Variants in QPCT observed in about 807,000 individuals in gnomAD.
QPCT encodes EC.
A neutral mutation model predicts 43.4 loss-of-function variants in QPCT; 44 were observed. That is an observed-to-expected ratio of 1.01 (90% CI 0.80 to 1.30). QPCT has a LOEUF of 1.30. Ranked by LOEUF, QPCT falls within the 50% of genes most tolerant of loss-of-function variation. QPCT has a pLI of 0.00. For synonymous variants in QPCT, 168 were observed against 168.4 expected (o/e 1.00, Z 0.02); for missense variants, 526 against 436.5 (o/e 1.21, Z -1.83).
chr2:37,365,171 G>A (rs1465865329), intron 3 of QPCT, among the ~76,000 whole-genome samples: 2 of 151,942 alleles, frequency 1.3e-5, no homozygotes, highest in Non-Finnish European at 1.5e-5. Context: ...GAGTGAGTGT[G>A]GACAGAGAAG....
At chr2:37,367,139 C>T in intron 3 of QPCT, 93 bp from the exon 4 acceptor site, 1 of 1,346,798 alleles carries the variant, frequency 7.4e-7, no homozygotes, top group Non-Finnish European at 1.0e-6. Context: ...TTCTTTATGG[C>T]ACATCTATCT....
chr2:37,349,369 A>G (rs557165373), intron 1 of QPCT, among the ~76,000 whole-genome samples: 2 of 152,304 alleles, frequency 1.3e-5, no homozygotes, highest in South Asian at 4.1e-4. Flanking sequence ...TTTTGGTGCT[A>G]TTTGCCAATT....
chr2:37,367,130 TC>T (rs1672979258), intron 3 of QPCT, 101 bp from the exon 4 acceptor site: 45 of 1,317,238 alleles, frequency 3.4e-5, no homozygotes, highest in Non-Finnish European at 4.7e-5. Context: ...TATCTTCCTT[TC>T]TTTATGGCAC....
chr2:37,368,559 G>A lies in QPCT; in HGVS notation c.724-1126G>A, dbSNP rs113696364. ...ACCTTCGCCCTATAAAAGTACAAAT[G>A]GTCACATTCTGTGTCCTCTGTGACC... is the stretch of plus-strand genomic sequence containing the variant. On this transcript the variant is annotated intron_variant, in intron 4 of 6. Coordinates refer to ENST00000338415, the MANE Select transcript of QPCT (RefSeq NM_012413.4). The A allele has an allele frequency of 1.3e-3, 626 of 470,716 alleles. 5 individuals carry two copies. The highest frequency in any genetic ancestry group is 0.011 in the African/African-American group (565 of 50,110). The allele number at this position is 470,716 out of a possible 1,614,324, so 29.2% of individuals were successfully genotyped here. A position where few individuals can be genotyped will look rare whatever the true frequency, so the allele number is the denominator to read the frequency against.
intron 1 of QPCT, 63 bp from the exon 2 acceptor site, chr2:37,352,726 A>G (rs1157369222): frequency 3.9e-6 from 6 of 1,556,420 alleles, no homozygotes; most frequent in Non-Finnish European, 5.3e-6. Context: ...AATTGAAAAC[A>G]TGTCAGAGTC....
intron 2 of QPCT, among the ~76,000 whole-genome samples, chr2:37,355,839 A>G (rs780839264): frequency 2.9e-4 from 44 of 152,174 alleles, no homozygotes; most frequent in Non-Finnish European, 5.1e-4. Context: ...GAGGCAAACT[A>G]GAAACTTCAG....
intron 2 of QPCT, among the ~76,000 whole-genome samples, chr2:37,357,313 GA>G (rs1672772194): frequency 1.4e-5 from 2 of 144,580 alleles, no homozygotes; most frequent in Non-Finnish European, 3.0e-5. Context: ...CCATTTTGTG[GA>G]ATTTTTTTTT....
rs764375770 is a variant in QPCT at position 37,359,630 on chromosome 2, A to C, written c.318A>C (p.Ile106=). 6.2e-6 allele frequency: 10 copies of C among 1,614,192 alleles called. No individual in the cohort carries two copies. In the South Asian group the frequency reaches 1.1e-4, roughly 18 times the overall value. ...QRLQADWVLE[I]DTFLSQTPYG... ...TTCAGGCTGACTGGGTCTTGGAAAT[A>C]GACACCTTCTTGAGTCAGACACCCT... is the stretch of plus-strand genomic sequence containing the variant. Residue 106 remains isoleucine (I), a synonymous_variant, in exon 3 of 7, where the codon ATA becomes ATC. Coordinates refer to ENST00000338415, the MANE Select transcript of QPCT (RefSeq NM_012413.4).
chr2:37,348,525 T>C (rs986279557), intron 1 of QPCT, among the ~76,000 whole-genome samples: 30 of 152,218 alleles, frequency 2.0e-4, no homozygotes, highest in African/African-American at 7.0e-4. Flanking sequence ...GAGACATTCA[T>C]ATAGAATAGA....
chr2:37,373,105 C>T lies in QPCT; in HGVS notation c.*278C>T. Reference sequence around the variant, plus strand: ...TCTTTCAAAGACTCTTTTAGATAAACACGATGAGGCAAAATCAGGTTCATT... The same window carrying T: ...TCTTTCAAAGACTCTTTTAGATAAATACGATGAGGCAAAATCAGGTTCATT... On this transcript the variant is annotated 3_prime_UTR_variant, in exon 7 of 7. Coordinates refer to ENST00000338415, the MANE Select transcript of QPCT (RefSeq NM_012413.4). The T allele has an allele frequency of 4.4e-6, 1 of 226,456 alleles. No individual in the cohort carries two copies. Among genetic ancestry groups the T allele is most frequent in the East Asian group, 9.9e-5 (1 of 10,058 alleles). The allele number at this position is 226,456 out of a possible 1,614,324, so 14.0% of individuals were successfully genotyped here. A position where few individuals can be genotyped will look rare whatever the true frequency, so the allele number is the denominator to read the frequency against.
chr2:37,372,528 G>T, intron 6 of QPCT, 56 bp downstream of exon 6: 1 of 1,496,576 alleles, frequency 6.7e-7, no homozygotes, highest in Non-Finnish European at 9.3e-7. Context: ...CCTGATTTTG[G>T]AGTACAACGG....
intron 3 of QPCT, among the ~76,000 whole-genome samples, chr2:37,363,200 C>G (rs975157860): frequency 1.2e-4 from 19 of 152,206 alleles, no homozygotes; most frequent in African/African-American, 4.3e-4. Flanking sequence ...TCAGTGAAAA[C>G]ACTGGCTGGG....
At chr2:37,367,172 C>G (rs563358679) in intron 3 of QPCT, 60 bp from the exon 4 acceptor site, 79 of 1,492,838 alleles carry the variant, frequency 5.3e-5, no homozygotes, top group Non-Finnish European at 6.9e-5. Context: ...AATAGAAAAT[C>G]ATGCTATTTT....
At chr2:37,348,060 A>ACG (rs766502599) in intron 1 of QPCT, among the ~76,000 whole-genome samples, 4 of 105,040 alleles carry the variant, frequency 3.8e-5, no homozygotes, top group African/African-American at 1.0e-4. Context: ...CTGCGCGCGC[A>ACG]CGCGTGTGTG....
At chr2:37,367,805 G>C (rs1422248694) in intron 4 of QPCT, among the ~76,000 whole-genome samples, 1 of 152,132 alleles carries the variant, frequency 6.6e-6, no homozygotes, top group African/African-American at 2.4e-5. Flanking sequence ...GGAGTTCGAG[G>C]CTGCCGTGAG....
rs1558599489 is a variant in QPCT, at chr2:37,347,196, T to TATATATAACATATATATAAC, written c.120+2352_120+2353insACATATATATAACATATATA. 1.6e-4 allele frequency among the ~76,000 whole-genome samples: 10 copies of TATATATAACATATATATAAC among 62,762 alleles called. 1 individual carries two copies. Among genetic ancestry groups the TATATATAACATATATATAAC allele is most frequent in the African/African-American group, 5.5e-4 (8 of 14,610 alleles). 41.2% of individuals were successfully genotyped at this position (62,762 alleles called of 152,430 possible). On this transcript the variant is annotated intron_variant, in intron 1 of 6. Coordinates refer to ENST00000338415, the MANE Select transcript of QPCT (RefSeq NM_012413.4). ...ATATATATAACATATATATATAACA[T>TATATATAACATATATATAAC]ATATATATAACATATATATAACATA...
chr2:37,357,930 T>C (rs1349287024), intron 2 of QPCT, among the ~76,000 whole-genome samples: 1 of 152,114 alleles, frequency 6.6e-6, no homozygotes, highest in Non-Finnish European at 1.5e-5. Context: ...TATTCATTTT[T>C]CATTTTAAGG....
intron 1 of QPCT, among the ~76,000 whole-genome samples, chr2:37,347,632 G>A (rs1367976812): frequency 1.3e-5 from 2 of 152,024 alleles, no homozygotes; most frequent in African/African-American, 4.8e-5. Flanking sequence ...TCTCCTTCAT[G>A]CAGCTTAAAG....
intron 1 of QPCT, among the ~76,000 whole-genome samples, chr2:37,349,858 TATAA>T (rs1672582920): frequency 6.6e-6 from 1 of 152,284 alleles, no homozygotes; most frequent in East Asian, 1.9e-4. Context: ...TTTATTATTA[TATAA>T]ATACAGTCTT....
Sources: allele counts gnomAD v4.1 joint callset (sites outside exome capture counted in the v4.1 genomes callset), GRCh38; gene constraint gnomAD v4.1.1; transcripts MANE v1.5; gene names NCBI Gene and HGNC (gene_info 2026-07-23, HGNC 2026-07-21).